The following GSAP variants were observed in gnomAD, a reference collection of about 807,000 sequenced individuals.
The protein encoded by GSAP is gamma-secretase activating protein.
A neutral mutation model predicts 131.7 loss-of-function variants in GSAP; 118 were observed. The observed-to-expected ratio is 0.90, with a 90% CI of 0.77 to 1.04. The LOEUF is 1.04. GSAP is among the 50% of genes least tolerant of loss of function. GSAP has a pLI of 0.00. For synonymous variants in GSAP, 381 were observed against 363.4 expected (o/e 1.05, Z -0.55); for missense variants, 1,019 against 1,013.2 (o/e 1.01, Z -0.08).
At chr7:77,320,962 G>C (rs1014754143) in intron 25 of GSAP, 143 bp from the exon 26 acceptor site, 7 of 636,576 alleles carry the variant, frequency 1.1e-5, no homozygotes, top group South Asian at 7.5e-5. Flanking sequence ...CCATAAATAT[G>C]AATGTGACCA....
rs758347670 is a variant in GSAP at position 77,330,279 on chromosome 7, CTGT to C, written c.1631_1633del (p.Asn544del). ...GTTGTGCCACTCTCTCCTGACCACA[CTGT>C]TGTTATAGTGGAAGTGTGGCTTGGC... On this transcript the variant is annotated inframe_deletion, in exon 20 of 31. Transcript: ENST00000257626. 1.2e-6 allele frequency: 2 copies of C among 1,613,822 alleles called. No individual in the cohort carries two copies. The highest frequency in any genetic ancestry group is 1.3e-5 in the African/African-American group (1 of 75,048).
intron 13 of GSAP, among the ~76,000 whole-genome samples, chr7:77,361,417 T>A (rs1194722683): frequency 6.6e-6 from 1 of 152,192 alleles, no homozygotes; most frequent in Non-Finnish European, 1.5e-5. Context: ...CTTTGATCAA[T>A]AGATTAACCA....
intron 16 of GSAP, among the ~76,000 whole-genome samples, chr7:77,354,881 A>G (rs965151084): frequency 5.3e-5 from 8 of 152,348 alleles, no homozygotes; most frequent in Non-Finnish European, 8.8e-5. Context: ...AGTCCTTTTG[A>G]TAATTATAGA....
intron 5 of GSAP, 134 bp downstream of exon 5, chr7:77,396,848 T>C: frequency 1.9e-6 from 1 of 528,594 alleles, no homozygotes; most frequent in Non-Finnish European, 3.3e-6. Context: ...ATGCTTGACA[T>C]GACCTTTGCC....
At chr7:77,396,205 T>C (rs1376921412) in intron 5 of GSAP, among the ~76,000 whole-genome samples, 1 of 152,146 alleles carries the variant, frequency 6.6e-6, no homozygotes, top group African/African-American at 2.4e-5. Flanking sequence ...TGAACTTTTT[T>C]TTTTTCGTTA....
chr7:77,382,647 TA>T lies in GSAP; in HGVS notation c.457-5del. On this transcript the variant is annotated splice_polypyrimidine_tract_variant and splice_region_variant and intron_variant, in intron 6 of 30. Transcript: ENST00000257626. ...TTTCAATATGTGGGTAGAGAAACTGTAAAAAAGAAATTAATCATAATTGTAA... is the reference window on the plus strand; with the variant it reads ...TTTCAATATGTGGGTAGAGAAACTGTAAAAAGAAATTAATCATAATTGTAA... The T allele has an allele frequency of 6.7e-7, 1 of 1,489,812 alleles. No homozygotes were observed. The highest frequency in any genetic ancestry group is 9.4e-7 in the Non-Finnish European group (1 of 1,067,146). The allele number at this position is 1,489,812 out of a possible 1,614,324, so 92.3% of individuals were successfully genotyped here. A position where few individuals can be genotyped will look rare whatever the true frequency, so the allele number is the denominator to read the frequency against.
At chr7:77,384,387 T>C (rs1798238439) in intron 6 of GSAP, among the ~76,000 whole-genome samples, 1 of 152,234 alleles carries the variant, frequency 6.6e-6, no homozygotes, top group African/African-American at 2.4e-5. Context: ...TATTATAAGG[T>C]GGTCCTAGAG....
At chr7:77,326,515 C>A in intron 22 of GSAP, 1 of 391,838 alleles carries the variant, frequency 2.6e-6, no homozygotes, top group Non-Finnish European at 4.6e-6. Flanking sequence ...TAGGCTCTAG[C>A]TTTGATTTTT....
chr7:77,415,073 G>A (rs1804105990), intron 1 of GSAP, among the ~76,000 whole-genome samples: 1 of 152,026 alleles, frequency 6.6e-6, no homozygotes, highest in Non-Finnish European at 1.5e-5. Flanking sequence ...TCGAAAAAAA[G>A]TAAAGCCTTA....
At chr7:77,323,533 T>G in intron 24 of GSAP, 114 bp downstream of exon 24, 1 of 552,588 alleles carries the variant, frequency 1.8e-6, no homozygotes, top group Non-Finnish European at 3.3e-6. Flanking sequence ...GAACGGGAGA[T>G]CTCCAAAAAT....
At chr7:77,416,130 G>T in intron 1 of GSAP, 83 bp downstream of exon 1, 1 of 760,660 alleles carries the variant, frequency 1.3e-6, no homozygotes, top group Non-Finnish European at 1.9e-6. Context: ...GCCCCGGGTT[G>T]CTCCCCACCG....
chr7:77,362,528 C>G lies in GSAP; in HGVS notation c.949+55G>C, dbSNP rs1372557553. ...ACACTGTTAAGAGCTATCTAATTTGCTACTATTTGGAAAAAGTTATTATGT... is the reference window on the plus strand; with the variant it reads ...ACACTGTTAAGAGCTATCTAATTTGGTACTATTTGGAAAAAGTTATTATGT... On this transcript the variant is annotated intron_variant, in intron 13 of 30. Transcript: ENST00000257626. 12 of 928,298 alleles carry G rather than the reference C, an allele frequency of 1.3e-5. No individual in the cohort carries two copies. In the South Asian group the frequency reaches 1.4e-4, roughly 11 times the overall value. The allele number at this position is 928,298 out of a possible 1,614,324, so 57.5% of individuals were successfully genotyped here.
At chr7:77,318,965 A>G (rs2150606281) in intron 26 of GSAP, among the ~76,000 whole-genome samples, 1 of 152,168 alleles carries the variant, frequency 6.6e-6, no homozygotes, top group East Asian at 1.9e-4. Flanking sequence ...TACCTAATGT[A>G]AATGATGAGT....
intron 3 of GSAP, among the ~76,000 whole-genome samples, chr7:77,401,606 TGAAAGA>T (rs1801327318): frequency 6.6e-6 from 1 of 152,060 alleles, no homozygotes; most frequent in Admixed American, 6.5e-5. Flanking sequence ...AAAAAGTTCT[TGAAAGA>T]GAAAGGACAT....
chr7:77,397,318 G>C, intron 4 of GSAP, 28 bp downstream of exon 4: 1 of 1,396,274 alleles, frequency 7.2e-7, no homozygotes, highest in Non-Finnish European at 1.0e-6. Context: ...TTCAGTTCTT[G>C]ACATGTAGCA....
At chr7:77,342,552 C>T (rs777077514) in intron 19 of GSAP, among the ~76,000 whole-genome samples, 3 of 152,028 alleles carry the variant, frequency 2.0e-5, no homozygotes, top group Non-Finnish European at 4.4e-5. Flanking sequence ...AAGCCTCCTT[C>T]GCATCTCCCC....
intron 14 of GSAP, among the ~76,000 whole-genome samples, chr7:77,358,612 C>A (rs1794096031): frequency 6.6e-6 from 1 of 151,902 alleles, no homozygotes; most frequent in Non-Finnish European, 1.5e-5. Flanking sequence ...AAAAATATAT[C>A]AAAAATGCTA....
Position 77,397,347 on chromosome 7 carries a change from A to C in GSAP, c.312T>G (p.Leu104=), listed in dbSNP as rs201476734. The change falls in exon 4 of 31, where the codon CTT becomes CTG. Residue 104 remains leucine, a splice_region_variant and synonymous_variant. Coordinates refer to ENST00000257626, the MANE Select transcript of GSAP (RefSeq NM_017439.4). ...TGTAGCAATAAGAGCTCAACTTACC[A>C]AGCAAAGTCCTTTCACTGTTGACAG... The part of the protein sequence containing the change: ...SCSVNSERTL[L]AASLVQSTKE... 1.3e-6 allele frequency: 2 copies of C among 1,590,818 alleles called. No homozygotes were observed. Among genetic ancestry groups the C allele is most frequent in the Non-Finnish European group, 1.7e-6 (2 of 1,161,514 alleles).
intron 14 of GSAP, among the ~76,000 whole-genome samples, chr7:77,358,125 G>A (rs1291896569): frequency 6.6e-6 from 1 of 152,210 alleles, no homozygotes; most frequent in Non-Finnish European, 1.5e-5. Flanking sequence ...TGGATTACTT[G>A]AGGTCAGGAG....
Sources: allele counts gnomAD v4.1 joint callset (sites outside exome capture counted in the v4.1 genomes callset), GRCh38; gene constraint gnomAD v4.1.1; transcripts MANE v1.5; gene names NCBI Gene and HGNC (gene_info 2026-07-23, HGNC 2026-07-21).